Variants in NEGR1 observed in about 807,000 individuals in gnomAD.
NEGR1 encodes neuronal growth regulator 1, also known as IgLON family member 4.
In NEGR1, 10 loss-of-function variants were observed where a neutral mutation model predicts 40.9. The ratio of observed to expected loss-of-function variants is 0.24; its 90% confidence interval spans 0.15 to 0.42. NEGR1 has a LOEUF of 0.42. Ranked by LOEUF, NEGR1 falls within the 10% of genes least tolerant of loss-of-function variation. The pLI is 1.00. For synonymous variants in NEGR1, 185 were observed against 166.8 expected (o/e 1.11, Z -0.84); for missense variants, 352 against 438.9 (o/e 0.80, Z 1.77).
rs142081407 is a variant in NEGR1 at position 72,114,674 on chromosome 1, A to C, written c.176+167645T>G. On this transcript the variant is annotated intron_variant, in intron 1 of 6. Transcript: ENST00000357731. ...ATGCTTTGCTTGGAAGAAGCTTTTC[A>C]CTTCCTTGTAATATTTCAAATGGTG... 1.7e-3 allele frequency among the ~76,000 whole-genome samples: 256 copies of C among 151,872 alleles called. 1 individual carries two copies. Among genetic ancestry groups the C allele is most frequent in the Non-Finnish European group, 6.0e-4 (41 of 67,822 alleles).
intron 6 of NEGR1, among the ~76,000 whole-genome samples, chr1:71,508,960 T>C (rs1209848376): frequency 1.3e-5 from 2 of 152,166 alleles, no homozygotes; most frequent in African/African-American, 4.8e-5. Flanking sequence ...CTTAAACTAA[T>C]TAAGAACTCA....
intron 2 of NEGR1, among the ~76,000 whole-genome samples, chr1:71,786,656 A>G (rs1450996659): frequency 6.6e-6 from 1 of 152,118 alleles, no homozygotes; most frequent in African/African-American, 2.4e-5. Flanking sequence ...TCTTCCTTCC[A>G]TCCACCCATC....
intron 3 of NEGR1, among the ~76,000 whole-genome samples, chr1:71,750,874 A>T (rs1289350194): frequency 6.6e-6 from 1 of 152,210 alleles, no homozygotes; most frequent in East Asian, 1.9e-4. Context: ...GTGGACATGT[A>T]TATAAATTGA....
rs79771475 is a variant in NEGR1, at chr1:72,081,620, A to T, written c.177-146309T>A. Among the ~76,000 whole-genome samples the T allele has an allele frequency of 5.8e-3, 885 of 152,230 alleles. 5 individuals are homozygous for T. The highest frequency in any genetic ancestry group is 0.02 in the African/African-American group (845 of 41,580). On this transcript the variant is annotated intron_variant, in intron 1 of 6. Transcript: ENST00000357731. ...TGCACATCATTGTATCCTATGAAAT[A>T]AGCACAGTGCCCAGCACTCAAGAGG...
intron 1 of NEGR1, among the ~76,000 whole-genome samples, chr1:72,116,871 T>A (rs2630399): frequency 0.27 from 41,539 of 151,578 alleles, 6,529 homozygotes; most frequent in African/African-American, 0.43. Flanking sequence ...TTTTATAGGT[T>A]TTTCACTGAT....
intron 6 of NEGR1, among the ~76,000 whole-genome samples, chr1:71,548,310 T>A (rs1647967383): frequency 6.6e-6 from 1 of 151,732 alleles, no homozygotes; most frequent in Non-Finnish European, 1.5e-5. Context: ...CTGTAGCTGG[T>A]AACATTTCTG....
chr1:72,135,422 C>CAAAAAAAAAAAAAAAAAAAAAAAAACA (rs71074820), intron 1 of NEGR1, among the ~76,000 whole-genome samples: 1 of 102,266 alleles, frequency 9.8e-6, no homozygotes, highest in Non-Finnish European at 1.9e-5. Context: ...AAAACAAAAC[C>CAAAAAAAAAAAAAAAAAAAAAAAAACA]AAAAAAAAAA....
In NEGR1 at chr1:72,130,951, AAGAG is replaced by A. The variant is rs765642236; in HGVS notation, c.176+151364_176+151367del. On this transcript the variant is annotated intron_variant, in intron 1 of 6. Coordinates refer to ENST00000357731, the MANE Select transcript of NEGR1 (RefSeq NM_173808.3). ...ACGGATGAGGAATAGAATTAGGAAA[AAGAG>A]AGAAATGATAGGGAAATTGCTTAAT... 1.3e-4 allele frequency among the ~76,000 whole-genome samples: 20 copies of A among 152,326 alleles called. No homozygotes were observed. The East Asian group carries it at 3.7e-3, about 28-fold the overall frequency.
chr1:72,099,789 A>G (rs941272462), intron 1 of NEGR1, among the ~76,000 whole-genome samples: 1 of 151,968 alleles, frequency 6.6e-6, no homozygotes, highest in Non-Finnish European at 1.5e-5. Flanking sequence ...TAAATTTATT[A>G]TTTTCATCTG....
intron 2 of NEGR1, among the ~76,000 whole-genome samples, chr1:71,822,557 C>A (rs940171978): frequency 3.9e-5 from 6 of 151,936 alleles, no homozygotes; most frequent in African/African-American, 1.4e-4. Context: ...TGTCCAACTG[C>A]CCCCAACAAG....
intron 3 of NEGR1, among the ~76,000 whole-genome samples, chr1:71,720,957 C>G (rs757413502): frequency 6.6e-6 from 1 of 152,126 alleles, no homozygotes; most frequent in Non-Finnish European, 1.5e-5. Context: ...AAACATCAGT[C>G]AGCACTGCAA....
At chr1:71,991,421 T>TA (rs922860111) in intron 1 of NEGR1, among the ~76,000 whole-genome samples, 3 of 152,182 alleles carry the variant, frequency 2.0e-5, no homozygotes, top group Non-Finnish European at 4.4e-5. Flanking sequence ...GTTTACGCTA[T>TA]AGAAAACACA....
intron 3 of NEGR1, among the ~76,000 whole-genome samples, chr1:71,730,592 T>TATATAA (rs1285440400): frequency 1.4e-5 from 2 of 146,640 alleles, no homozygotes; most frequent in East Asian, 2.0e-4. Context: ...TATATATATA[T>TATATAA]AAATTTGAAA....
chr1:71,835,375 G>C (rs1658990548), intron 2 of NEGR1, among the ~76,000 whole-genome samples: 1 of 152,056 alleles, frequency 6.6e-6, no homozygotes, highest in African/African-American at 2.4e-5. Context: ...GGGAGCATTA[G>C]AAAAATTGTA....
At chr1:71,690,862 A>G (rs1653254476) in intron 4 of NEGR1, among the ~76,000 whole-genome samples, 1 of 151,968 alleles carries the variant, frequency 6.6e-6, no homozygotes, top group South Asian at 2.1e-4. Context: ...CCTAAAAACA[A>G]CTACAAACAA....
At chr1:71,875,492 G>A (rs1444514008) in intron 2 of NEGR1, among the ~76,000 whole-genome samples, 1 of 152,200 alleles carries the variant, frequency 6.6e-6, no homozygotes, top group Non-Finnish European at 1.5e-5. Flanking sequence ...AATCAGGGCA[G>A]TTGAAGCCTT....
intron 4 of NEGR1, among the ~76,000 whole-genome samples, chr1:71,691,199 CTCAATAGAAAAAT>C (rs1462597557): frequency 1.3e-5 from 2 of 151,836 alleles, no homozygotes; most frequent in Admixed American, 6.6e-5. Flanking sequence ...TTATGTCTCC[CTCAATAGAAAAAT>C]TCATGTATTC....
At chr1:71,906,105 C>T (rs563692201) in intron 2 of NEGR1, among the ~76,000 whole-genome samples, 1 of 152,244 alleles carries the variant, frequency 6.6e-6, no homozygotes, top group African/African-American at 2.4e-5. Flanking sequence ...GCCCCCTACT[C>T]ATGCTGCTAA....
At chr1:72,193,948 A>G (rs965214973) in intron 1 of NEGR1, among the ~76,000 whole-genome samples, 2 of 151,772 alleles carry the variant, frequency 1.3e-5, no homozygotes, top group African/African-American at 4.8e-5. Context: ...TATAGGGATG[A>G]TATGCAAATT....
Sources: gnomAD v4.1 joint callset for allele counts (sites outside exome capture counted in the v4.1 genomes callset) on GRCh38, gnomAD v4.1.1 for gene constraint, MANE v1.5 for transcripts, NCBI Gene and HGNC (gene_info 2026-07-23, HGNC 2026-07-21) for gene names.